Variants in PACC1 observed in about 807,000 individuals in gnomAD.
The protein encoded by PACC1 is proton activated chloride channel 1, also known as proton-activated chloride channel.
Under a neutral mutation model 39.7 loss-of-function variants are expected in PACC1, and 34 were observed. The observed-to-expected ratio is 0.86, with a 90% CI of 0.65 to 1.14. PACC1 has a LOEUF of 1.14. Among genes scored for constraint, PACC1 ranks in the 50% most tolerant of loss-of-function variants. PACC1 has a pLI of 0.00. For missense variants in PACC1, 379 were observed against 436.4 expected (o/e 0.87, Z 1.17); for synonymous variants, 127 against 160.6 (o/e 0.79, Z 1.58).
intron 2 of PACC1, among the ~76,000 whole-genome samples, chr1:212,393,721 T>A (rs1489402280): frequency 1.3e-5 from 2 of 151,530 alleles, no homozygotes; most frequent in Non-Finnish European, 2.9e-5. Context: ...GAGAGAAGAA[T>A]CAAATAGACA....
chr1:212,387,176 C>A (rs1661133994), intron 2 of PACC1, 76 bp from the exon 3 acceptor site: 1 of 1,455,110 alleles, frequency 6.9e-7, no homozygotes, highest in Non-Finnish European at 9.4e-7. Flanking sequence ...AACCTCCAGG[C>A]CCTTGCCTGC....
intron 2 of PACC1, among the ~76,000 whole-genome samples, chr1:212,391,931 T>A (rs990008977): frequency 6.6e-6 from 1 of 151,846 alleles, no homozygotes; most frequent in Non-Finnish European, 1.5e-5. Flanking sequence ...CTCCAAGAAA[T>A]ATGGGACTAT....
At chr1:212,394,981 G>A (rs1487735640) in intron 2 of PACC1, among the ~76,000 whole-genome samples, 1 of 152,168 alleles carries the variant, frequency 6.6e-6, no homozygotes, top group Non-Finnish European at 1.5e-5. Context: ...TGGATAGGAA[G>A]AATCAATATC....
chr1:212,373,161 T>C lies in PACC1; in HGVS notation c.891+2032A>G, dbSNP rs887370218. On this transcript the variant is annotated intron_variant, in intron 7 of 7. Coordinates refer to ENST00000261455, the MANE Select transcript of PACC1 (RefSeq NM_018252.3). ...TGGTATTGGCATAAAAACAGACACA[T>C]AGACCAATGGAACAGAACAGAGAAT... 5.3e-5 allele frequency among the ~76,000 whole-genome samples: 8 copies of C among 152,184 alleles called. 1 individual carries two copies. In the South Asian group the frequency reaches 6.2e-4, roughly 12 times the overall value.
At chr1:212,385,098 AAGTG>A (rs1661048911) in intron 4 of PACC1, among the ~76,000 whole-genome samples, 172 bp downstream of exon 4, 1 of 152,234 alleles carries the variant, frequency 6.6e-6, no homozygotes. Context: ...CCCTGAATGC[AAGTG>A]AGCCAACCAC....
Position 212,386,606 on chromosome 1 carries a change from A to C in PACC1, c.343+285T>G, listed in dbSNP as rs1442280593. ...TCCCAAAGACACTCTCTTCCCATCT[A>C]TGTGCTTTTCGAGGCCCATCTCAAA... On this transcript the variant is annotated intron_variant, in intron 3 of 7. Transcript: ENST00000261455. The surrounding 1 kb of genome is among the most constrained non-coding windows in gnomAD (Gnocchi z 5.0). 6.6e-6 allele frequency among the ~76,000 whole-genome samples: 1 copy of C among 151,870 alleles called. No individual in the cohort carries two copies. The highest frequency in any genetic ancestry group is 1.5e-5 in the Non-Finnish European group (1 of 67,952).
chr1:212,410,991 A>G (rs888197450), intron 1 of PACC1, among the ~76,000 whole-genome samples: 1 of 152,182 alleles, frequency 6.6e-6, no homozygotes, highest in Non-Finnish European at 1.5e-5. Flanking sequence ...TCACATGGTC[A>G]TCGTCTTGAA....
At chr1:212,367,118 T>C (rs917359401) in intron 7 of PACC1, among the ~76,000 whole-genome samples, 1 of 152,052 alleles carries the variant, frequency 6.6e-6, no homozygotes, top group Non-Finnish European at 1.5e-5. Context: ...TTAGAGGAGG[T>C]GGAGCCAGAT....
intron 4 of PACC1, among the ~76,000 whole-genome samples, chr1:212,384,845 T>G (rs371580190): frequency 1.5e-3 from 230 of 152,362 alleles, no homozygotes; most frequent in Middle Eastern, 6.8e-3. Flanking sequence ...AATTTCAAAC[T>G]ATGGATTCTC....
chr1:212,410,808 T>C (rs761164882), intron 1 of PACC1, among the ~76,000 whole-genome samples: 6 of 152,166 alleles, frequency 3.9e-5, no homozygotes, highest in South Asian at 2.1e-4. Flanking sequence ...AAGTCTGAAA[T>C]TGAGGTGTTG....
chr1:212,413,927 C>A, intron 1 of PACC1: 1 of 1,534,892 alleles, frequency 6.5e-7, no homozygotes, highest in Admixed American at 2.0e-5. Context: ...GCCAATGAGG[C>A]GGCACGATGG....
intron 7 of PACC1, among the ~76,000 whole-genome samples, chr1:212,366,193 T>G (rs1165313095): frequency 6.6e-6 from 1 of 152,196 alleles, no homozygotes; most frequent in Non-Finnish European, 1.5e-5. Flanking sequence ...AATCAATAAT[T>G]TAAAACAATA....
At position 212,386,773 on chromosome 1, in the gene PACC1, T is replaced by C. The variant is rs1661114119; in HGVS notation, c.343+118A>G. On this transcript the variant is annotated intron_variant, in intron 3 of 7. Coordinates refer to ENST00000261455, the MANE Select transcript of PACC1 (RefSeq NM_018252.3). The surrounding 1 kb of genome is among the most constrained non-coding windows in gnomAD (Gnocchi z 5.0). The stretch of plus-strand genomic sequence containing the variant: ...ATAGACTCTATACCTAGACTATGCT[T>C]GGTTGGACTCCTCTGCCCTGCCCGT... 1.1e-6 allele frequency: 1 copy of C among 937,812 alleles called. No individual in the cohort carries two copies. Among genetic ancestry groups the C allele is most frequent in the Admixed American group, 1.8e-5 (1 of 54,674 alleles). The allele number at this position is 937,812 out of a possible 1,614,324, so 58.1% of individuals were successfully genotyped here. A position where few individuals can be genotyped will look rare whatever the true frequency, so the allele number is the denominator to read the frequency against.
chr1:212,374,486 A>G (rs2102475180), intron 7 of PACC1, among the ~76,000 whole-genome samples: 1 of 152,332 alleles, frequency 6.6e-6, no homozygotes, highest in Admixed American at 6.5e-5. Context: ...AGATGACATG[A>G]TAATACAGTA....
At chr1:212,380,519 A>C (rs114422621) in intron 4 of PACC1, among the ~76,000 whole-genome samples, 1,901 of 152,146 alleles carry the variant, frequency 0.012, 33 homozygotes, top group African/African-American at 0.043. Context: ...AGCACTTTTT[A>C]ATCTTTTTTA....
chr1:212,401,229 T>C (rs1451701246), intron 2 of PACC1, among the ~76,000 whole-genome samples: 4 of 152,182 alleles, frequency 2.6e-5, no homozygotes, highest in African/African-American at 9.7e-5. Flanking sequence ...TCCCCTTTCC[T>C]GGCAACCACT....
rs1329374582 is a variant in PACC1, at chr1:212,414,742, G to C, written c.16C>G (p.Arg6Gly). ...CGTACCTCCTGGTAGGATGTGGAGC[G>C]CTCCTGCCGGATCATGGCACTGACC... is the stretch of plus-strand genomic sequence containing the variant. MIRQE[R>G]STSYQELSEE... The change falls in exon 1 of 8, where the codon CGC (arginine) becomes GGC (glycine). Residue 6 changes from arginine to glycine, a missense_variant. Transcript: ENST00000261455. 6.2e-7 allele frequency: 1 copy of C among 1,613,598 alleles called. No homozygotes were observed. The highest frequency in any genetic ancestry group is 2.2e-5 in the East Asian group (1 of 44,838).
intron 4 of PACC1, among the ~76,000 whole-genome samples, chr1:212,383,272 G>T (rs1179382402): frequency 6.6e-6 from 1 of 152,112 alleles, no homozygotes; most frequent in African/African-American, 2.4e-5. Flanking sequence ...TGTAACTATT[G>T]TAACAAGTGC....
At chr1:212,395,182 A>T (rs1435000380) in intron 2 of PACC1, among the ~76,000 whole-genome samples, 2 of 152,240 alleles carry the variant, frequency 1.3e-5, no homozygotes, top group African/African-American at 4.8e-5. Context: ...CCTGACTTCA[A>T]ACTATACTAC....
Sources: allele counts gnomAD v4.1 joint callset (sites outside exome capture counted in the v4.1 genomes callset), GRCh38; gene constraint gnomAD v4.1.1; non-coding constraint Gnocchi (gnomAD v3.1); transcripts MANE v1.5; gene names NCBI Gene and HGNC (gene_info 2026-07-23, HGNC 2026-07-21).